MEGF11: variants seen among roughly 807,000 people sequenced by gnomAD.
MEGF11 encodes multiple EGF like domains 11.
Under a neutral mutation model 146.6 loss-of-function variants are expected in MEGF11, and 126 were observed. The ratio of observed to expected loss-of-function variants is 0.86; its 90% CI spans 0.74 to 1.00. MEGF11 has a LOEUF of 1.00. Among genes scored for constraint, MEGF11 ranks in the 50% least tolerant of loss-of-function variants. The pLI, the probability that MEGF11 is intolerant of heterozygous loss-of-function variation, is 0.00. For synonymous variants in MEGF11, 532 were observed against 583.4 expected, an observed-to-expected ratio of 0.91 and a Z score of 1.27; for missense variants, 1,509 against 1,521.2, an observed-to-expected ratio of 0.99 and a Z score of 0.13.
At chr15:65,985,143 A>G (rs1294775527) in intron 5 of MEGF11, among the ~76,000 whole-genome samples, 2 of 152,202 alleles carry the variant, frequency 1.3e-5, no homozygotes, top group Non-Finnish European at 2.9e-5. Flanking sequence ...CTAAAATTTA[A>G]TCCTCACAAC....
intron 1 of MEGF11, among the ~76,000 whole-genome samples, chr15:66,186,875 T>C (rs2090721619): frequency 6.6e-6 from 1 of 152,248 alleles, no homozygotes; most frequent in African/African-American, 2.4e-5. Context: ...GTCACAGAGC[T>C]ACTGATGGCT....
intron 1 of MEGF11, among the ~76,000 whole-genome samples, chr15:66,227,501 G>T (rs529144271): frequency 6.6e-6 from 1 of 151,998 alleles, no homozygotes; most frequent in Admixed American, 6.6e-5. Context: ...AAGATCACAC[G>T]GCCAAGTGGG....
intron 5 of MEGF11, among the ~76,000 whole-genome samples, chr15:66,047,948 G>A (rs1344980629): frequency 1.1e-5 from 1 of 91,236 alleles, no homozygotes; most frequent in Non-Finnish European, 2.2e-5. Flanking sequence ...GGCCCTGGGA[G>A]GAGTGTTTTT....
At chr15:66,179,213 AC>A (rs1334801899) in intron 1 of MEGF11, among the ~76,000 whole-genome samples, 1 of 152,000 alleles carries the variant, frequency 6.6e-6, no homozygotes, top group African/African-American at 2.4e-5. Context: ...GCTCACCGCA[AC>A]CTCTGCCTCC....
intron 1 of MEGF11, among the ~76,000 whole-genome samples, chr15:66,237,790 A>G (rs74019539): frequency 3.3e-4 from 50 of 152,186 alleles, no homozygotes; most frequent in African/African-American, 1.2e-3. Flanking sequence ...GGAGAGGACC[A>G]CTCCTGAATG....
chr15:66,187,773 C>G, intron 1 of MEGF11, among the ~76,000 whole-genome samples: 1 of 152,208 alleles, frequency 6.6e-6, no homozygotes, highest in East Asian at 1.9e-4. Context: ...ACGATTCCAG[C>G]ATCCTTAACG....
At chr15:66,135,539 C>G (rs2088851172) in intron 1 of MEGF11, among the ~76,000 whole-genome samples, 1 of 152,182 alleles carries the variant, frequency 6.6e-6, no homozygotes, top group Non-Finnish European at 1.5e-5. Flanking sequence ...AGGCCCCTCC[C>G]TGCAGGAAGA....
At chr15:65,969,643 G>A (rs2141602587) in intron 8 of MEGF11, among the ~76,000 whole-genome samples, 1 of 152,276 alleles carries the variant, frequency 6.6e-6, no homozygotes, top group Non-Finnish European at 1.5e-5. Context: ...AGAAATGGAG[G>A]GATTCATTGG....
chr15:66,144,004 A>G (rs1239678121), intron 1 of MEGF11, among the ~76,000 whole-genome samples: 1 of 152,098 alleles, frequency 6.6e-6, no homozygotes, highest in Non-Finnish European at 1.5e-5. Flanking sequence ...CAAAGGCAGA[A>G]ATCAAAGCTC....
rs376909438 is a variant in MEGF11 at position 65,913,466 on chromosome 15, C to T, written c.2710+271G>A. On this transcript the variant is annotated intron_variant, in intron 20 of 25. Transcript: ENST00000395614. ...TGGTTAGTGTGGGTGCTCCTGAGGC[C>T]GAAGGCTGGTGAGAAGGATAGGGAA... The T allele has an allele frequency of 4.8e-4, 267 of 561,712 alleles. 1 individual carries two copies. Among genetic ancestry groups the T allele is most frequent in the Non-Finnish European group, 7.6e-4 (237 of 313,306 alleles). The allele number at this position is 561,712 out of a possible 1,614,324, so 34.8% of individuals were successfully genotyped here. A position where few individuals can be genotyped will look rare whatever the true frequency, so the allele number is the denominator to read the frequency against.
At chr15:65,992,939 A>C (rs1464166539) in intron 5 of MEGF11, among the ~76,000 whole-genome samples, 1 of 152,156 alleles carries the variant, frequency 6.6e-6, no homozygotes, top group Admixed American at 6.5e-5. Context: ...GGCACCGCAG[A>C]GCTGGAACAT....
chr15:66,096,603 C>T (rs2086565394), intron 4 of MEGF11, among the ~76,000 whole-genome samples: 1 of 152,188 alleles, frequency 6.6e-6, no homozygotes, highest in African/African-American at 2.4e-5. Flanking sequence ...GAGGGAACAG[C>T]AGAGGGGTGC....
intron 21 of MEGF11, 26 bp from the exon 22 acceptor site, chr15:65,909,832 T>A (rs1166228085): frequency 6.5e-7 from 1 of 1,542,268 alleles, no homozygotes; most frequent in Non-Finnish European, 8.7e-7. Flanking sequence ...GAGAGCCAGT[T>A]AATATCTAGT....
chr15:66,116,415 A>G (rs1436153654), intron 4 of MEGF11, among the ~76,000 whole-genome samples: 1 of 152,054 alleles, frequency 6.6e-6, no homozygotes, highest in Non-Finnish European at 1.5e-5. Flanking sequence ...TACTGGCTTG[A>G]AACACCTTTC....
At chr15:66,236,495 A>G (rs1181535648) in intron 1 of MEGF11, among the ~76,000 whole-genome samples, 1 of 152,234 alleles carries the variant, frequency 6.6e-6, no homozygotes, top group East Asian at 1.9e-4. Context: ...CTGAGCAAGA[A>G]GCAGCTCTTC....
chr15:66,079,540 C>T lies in MEGF11; in HGVS notation c.394+14862G>A, dbSNP rs1185134869. Among the ~76,000 whole-genome samples the T allele has an allele frequency of 4.4e-4, 63 of 143,070 alleles. 4 individuals carry two copies. Among genetic ancestry groups the T allele is most frequent in the Admixed American group, 2.3e-3 (33 of 14,470 alleles). 93.9% of individuals were successfully genotyped at this position (143,070 alleles called of 152,430 possible). A position where few individuals can be genotyped will look rare whatever the true frequency, so the allele number is the denominator to read the frequency against. ...CCACCTGGGAACCTTCATTCACACC[C>T]CCCCCCCCAGCACCCCCGCCAAAAC... On this transcript the variant is annotated intron_variant, in intron 5 of 25. Coordinates refer to ENST00000395614, the MANE Select transcript of MEGF11 (RefSeq NM_001385028.1).
At chr15:66,158,015 G>A (rs1301966894) in intron 1 of MEGF11, among the ~76,000 whole-genome samples, 1 of 152,222 alleles carries the variant, frequency 6.6e-6, no homozygotes, top group African/African-American at 2.4e-5. Flanking sequence ...CCCTTGAAAT[G>A]TTTTGTTCTC....
At chr15:66,118,949 C>T (rs903435597) in intron 4 of MEGF11, 137 bp downstream of exon 4, 16 of 623,052 alleles carry the variant, frequency 2.6e-5, no homozygotes, top group Non-Finnish European at 3.7e-5. Flanking sequence ...TGGCAGCAGG[C>T]AGGGACTTCT....
In MEGF11 at chr15:66,009,059, T is replaced by C. The variant is rs151128062; in HGVS notation, c.395-26571A>G. ...ATAAAGGCTTTTCACTCTTACATTC[T>C]AGGAGGAAATCCCTGGTTCGTTGGA... is the stretch of plus-strand genomic sequence containing the variant. On this transcript the variant is annotated intron_variant, in intron 5 of 25. Transcript: ENST00000395614. Among the ~76,000 whole-genome samples the C allele has an allele frequency of 2.5e-3, 377 of 152,288 alleles. 1 individual carries two copies. The highest frequency in any genetic ancestry group is 8.4e-3 in the African/African-American group (349 of 41,554).
Sources: allele counts gnomAD v4.1 joint callset (sites outside exome capture counted in the v4.1 genomes callset), GRCh38; gene constraint gnomAD v4.1.1; transcripts MANE v1.5; gene names NCBI Gene and HGNC (gene_info 2026-07-23, HGNC 2026-07-21).